A4GALT: variants seen among roughly 807,000 people sequenced by gnomAD.
A4GALT encodes alpha 1,4-galactosyltransferase (P1PK blood group).
For synonymous variants in A4GALT, 257 were observed against 220.7 expected (o/e 1.16, Z -1.46); for missense variants, 512 against 486.0 (o/e 1.05, Z -0.50).
chr22:42,702,319 C>T (rs1481523445), intron 1 of A4GALT, among the ~76,000 whole-genome samples: 1 of 152,020 alleles, frequency 6.6e-6, no homozygotes, highest in Non-Finnish European at 1.5e-5. Context: ...AAGGGGCTCC[C>T]CCACCAGAGG....
At chr22:42,716,380 T>C (rs2147047815) in intron 1 of A4GALT, among the ~76,000 whole-genome samples, 1 of 152,326 alleles carries the variant, frequency 6.6e-6, no homozygotes, top group African/African-American at 2.4e-5. Flanking sequence ...AAAAGCTCAC[T>C]GTCAGGCCTG....
intron 1 of A4GALT, among the ~76,000 whole-genome samples, chr22:42,708,510 A>G (rs932143720): frequency 2.7e-5 from 4 of 145,580 alleles, no homozygotes; most frequent in African/African-American, 1.0e-4. Context: ...AGCCTGTATG[A>G]CACGGCAAGA....
intron 1 of A4GALT, among the ~76,000 whole-genome samples, chr22:42,702,600 G>T (rs1487832798): frequency 6.6e-6 from 1 of 152,210 alleles, no homozygotes; most frequent in Non-Finnish European, 1.5e-5. Flanking sequence ...GCCTCCCAAA[G>T]TGCTGGGATT....
At position 42,698,246 on chromosome 22, in the gene A4GALT, CAAAAAA is replaced by C. The variant is rs11420129; in HGVS notation, c.-187-2621_-187-2616del. Among the ~76,000 whole-genome samples the C allele has an allele frequency of 4.4e-5, 6 of 136,072 alleles. No homozygotes were observed. The East Asian group carries it at 1.3e-3, about 30-fold the overall frequency. The allele number at this position is 136,072 out of a possible 152,430, so 89.3% of individuals were successfully genotyped here. Reference sequence around the variant, plus strand: ...CTGGCAATAGAGCGAGACTCCGTCTCAAAAAAAAAAAAAAAAAATCGAGAGGTGCAG... The same window carrying C: ...CTGGCAATAGAGCGAGACTCCGTCTCAAAAAAAAAAAATCGAGAGGTGCAG... On this transcript the variant is annotated intron_variant, in intron 1 of 2. Transcript: ENST00000642412.
rs1369878681 is a variant in A4GALT at position 42,703,086 on chromosome 22, A to T, written c.-187-7455T>A. Among the ~76,000 whole-genome samples the T allele has an allele frequency of 5.9e-3, 656 of 111,316 alleles. 15 individuals are homozygous for T. Among genetic ancestry groups the T allele is most frequent in the African/African-American group, 0.038 (597 of 15,896 alleles). 73.0% of individuals were successfully genotyped at this position (111,316 alleles called of 152,430 possible). On this transcript the variant is annotated intron_variant, in intron 1 of 2. Coordinates refer to ENST00000642412, the MANE Select transcript of A4GALT (RefSeq NM_017436.7). ...GTGTGTGTGTGTGTGTGTGTGTGTG[A>T]GAGAGAGCATGCTGCCCCACTGTGT...
chr22:42,709,055 AT>A (rs1471526907), intron 1 of A4GALT, among the ~76,000 whole-genome samples: 27 of 104,074 alleles, frequency 2.6e-4, no homozygotes, highest in Non-Finnish European at 4.3e-4. Flanking sequence ...TTAAATATAT[AT>A]ATATATATAT....
chr22:42,716,998 T>G (rs11703455), intron 1 of A4GALT, among the ~76,000 whole-genome samples: 34,262 of 152,082 alleles, frequency 0.23, 4,349 homozygotes, highest in South Asian at 0.37. Flanking sequence ...AAGGCTGTGG[T>G]GCTCCTGCTG....
chr22:42,716,721 T>G (rs1465661472), intron 1 of A4GALT, among the ~76,000 whole-genome samples: 1 of 152,122 alleles, frequency 6.6e-6, no homozygotes, highest in Non-Finnish European at 1.5e-5. Flanking sequence ...TCTCCTTGTC[T>G]GTAAAATGGG....
chr22:42,717,465 A>G (rs1415216433), intron 1 of A4GALT, among the ~76,000 whole-genome samples: 1 of 152,086 alleles, frequency 6.6e-6, no homozygotes, highest in East Asian at 1.9e-4. Flanking sequence ...GATCAAAGCC[A>G]ATTCATCAAG....
At chr22:42,708,343 A>G (rs1031059019) in intron 1 of A4GALT, among the ~76,000 whole-genome samples, 10 of 152,074 alleles carry the variant, frequency 6.6e-5, no homozygotes, top group Admixed American at 2.6e-4. Flanking sequence ...GCGCCATTGC[A>G]TTCTAGCCTG....
chr22:42,702,355 T>C (rs1401598220), intron 1 of A4GALT, among the ~76,000 whole-genome samples: 22 of 151,158 alleles, frequency 1.5e-4, no homozygotes, highest in African/African-American at 2.7e-4. Context: ...TTTTTTTTTT[T>C]TCACAGATGG....
chr22:42,718,673 A>T (rs543029123), intron 1 of A4GALT: 1 of 152,284 alleles, frequency 6.6e-6, no homozygotes, highest in East Asian at 1.9e-4. Context: ...CGGTTAATTC[A>T]TTCAAACAAT....
chr22:42,704,768 G>A (rs1003370237), intron 1 of A4GALT, among the ~76,000 whole-genome samples: 1 of 150,590 alleles, frequency 6.6e-6, no homozygotes, highest in East Asian at 2.0e-4. Flanking sequence ...AAGCAACATG[G>A]GTAAAGACAA....
intron 1 of A4GALT, among the ~76,000 whole-genome samples, chr22:42,696,386 C>T (rs1366033952): frequency 6.7e-6 from 1 of 150,294 alleles, no homozygotes. Context: ...CACCACTGCA[C>T]TCCAGCCTGG....
chr22:42,704,291 C>A (rs28992190), intron 1 of A4GALT, among the ~76,000 whole-genome samples: 1 of 151,744 alleles, frequency 6.6e-6, no homozygotes, highest in East Asian at 1.9e-4. Flanking sequence ...GACTAGCCTG[C>A]CCAATATGGT....
chr22:42,709,373 C>G (rs1207221517), intron 1 of A4GALT, among the ~76,000 whole-genome samples: 2 of 148,316 alleles, frequency 1.3e-5, no homozygotes, highest in Non-Finnish European at 3.0e-5. Context: ...TTAAGTAAAG[C>G]AAATACTTAA....
chr22:42,702,277 C>A (rs1028355169), intron 1 of A4GALT, among the ~76,000 whole-genome samples: 2 of 151,676 alleles, frequency 1.3e-5, no homozygotes, highest in African/African-American at 4.9e-5. Flanking sequence ...GATGTGCAGC[C>A]GCTGTTGAGG....
intron 1 of A4GALT, among the ~76,000 whole-genome samples, chr22:42,711,121 A>G (rs1374924099): frequency 6.6e-6 from 1 of 152,182 alleles, no homozygotes; most frequent in Non-Finnish European, 1.5e-5. Flanking sequence ...CCCAGAAATC[A>G]ATAAGAAGAC....
chr22:42,709,918 G>T (rs550859948), intron 1 of A4GALT, among the ~76,000 whole-genome samples: 4 of 152,272 alleles, frequency 2.6e-5, no homozygotes, highest in African/African-American at 9.6e-5. Flanking sequence ...ATAGATCTAA[G>T]CAGAAAAATC....
Sources: gnomAD v4.1 joint callset for allele counts (sites outside exome capture counted in the v4.1 genomes callset) on GRCh38, gnomAD v4.1.1 for gene constraint, MANE v1.5 for transcripts, NCBI Gene and HGNC (gene_info 2026-07-23, HGNC 2026-07-21) for gene names.